Variants in WWC1 observed in about 807,000 individuals in gnomAD.
WWC1 encodes WW and C2 domain containing 1, also known as protein KIBRA.
WWC1 carries 55 observed loss-of-function variants against 138.4 expected under a neutral mutation model. That is an observed-to-expected ratio of 0.40 (90% confidence interval 0.32 to 0.50). The LOEUF (loss-of-function observed/expected upper bound fraction) is 0.50. WWC1 is among the 20% of genes least tolerant of loss of function. The pLI is 0.72. For synonymous variants in WWC1, 524 were observed against 564.9 expected, an observed-to-expected ratio of 0.93 and a Z score of 1.03; for missense variants, 1,226 against 1,420.4, an observed-to-expected ratio of 0.86 and a Z score of 2.20.
At chr5:168,316,024 T>C (rs1771554936) in intron 1 of WWC1, among the ~76,000 whole-genome samples, 1 of 152,204 alleles carries the variant, frequency 6.6e-6, no homozygotes, top group Admixed American at 6.5e-5. Flanking sequence ...GTCCCAGGGC[T>C]GACCCCAAAC....
chr5:168,334,373 C>CGA (rs1291911702), intron 1 of WWC1, among the ~76,000 whole-genome samples: 8 of 152,266 alleles, frequency 5.3e-5, no homozygotes, highest in African/African-American at 1.4e-4. Context: ...CAACAGGTCT[C>CGA]GAGAGACATT....
intron 13 of WWC1, among the ~76,000 whole-genome samples, chr5:168,429,126 G>A (rs200942331): frequency 6.6e-6 from 1 of 152,084 alleles, no homozygotes; most frequent in East Asian, 1.9e-4. Context: ...TGTGGCTTTT[G>A]TCTTTCCATC....
intron 1 of WWC1, among the ~76,000 whole-genome samples, chr5:168,355,643 C>A (rs1775349271): frequency 6.6e-6 from 1 of 152,098 alleles, no homozygotes; most frequent in South Asian, 2.1e-4. Flanking sequence ...GAGGTTACTG[C>A]ATTCTGAGTA....
At chr5:168,355,841 T>C (rs574183651) in intron 1 of WWC1, among the ~76,000 whole-genome samples, 35 of 150,288 alleles carry the variant, frequency 2.3e-4, no homozygotes, top group African/African-American at 8.3e-4. Flanking sequence ...ACTGAGAAAA[T>C]AAACAGCTGG....
chr5:168,454,059 G>A lies in WWC1; in HGVS notation c.2617G>A (p.Glu873Lys), dbSNP rs145748084. 85 of 1,613,318 alleles carry A rather than the reference G, an allele frequency of 5.3e-5. No homozygotes were observed. Among genetic ancestry groups the A allele is most frequent in the African/African-American group, 2.8e-4 (21 of 74,746 alleles). ...GGAGGGAGAAGAGGATGTTTTCACC[G>A]AGAAAGCCTCACCTGATATGGATGG... ...EEEGEEDVFT[E>K]KASPDMDGYP... The change falls in exon 18 of 23, where the codon GAG (glutamate) becomes AAG (lysine). Residue 873 changes from glutamate to lysine, a missense_variant. Glu to Lys is a moderately conservative substitution (Grantham distance 56). Transcript: ENST00000265293.
In WWC1 at chr5:168,292,051, G is replaced by A. The variant is rs1769089532; in HGVS notation, c.-102G>A. 1.5e-6 allele frequency: 2 copies of A among 1,353,198 alleles called. No individual in the cohort carries two copies. Among genetic ancestry groups the A allele is most frequent in the Admixed American group, 4.0e-5 (1 of 24,900 alleles). 83.8% of individuals were successfully genotyped at this position (1,353,198 alleles called of 1,614,324 possible). A position where few individuals can be genotyped will look rare whatever the true frequency, so the allele number is the denominator to read the frequency against. On this transcript the variant is annotated 5_prime_UTR_variant, in exon 1 of 23. It removes an upstream start codon present in the reference 5' UTR. Transcript: ENST00000265293. This position sits in a 1 kb window ranked among gnomAD's most constrained non-coding sequence, Gnocchi z 4.4. Reference sequence around the variant, plus strand: ...CTGCGGGCGCCACCCCCCGGATCATGGTGCCTCGGCGGCCGCCCGGGCTAA... The same window carrying A: ...CTGCGGGCGCCACCCCCCGGATCATAGTGCCTCGGCGGCCGCCCGGGCTAA...
chr5:168,332,331 G>T (rs947895188), intron 1 of WWC1, among the ~76,000 whole-genome samples: 10 of 151,960 alleles, frequency 6.6e-5, no homozygotes, highest in African/African-American at 1.2e-4. Flanking sequence ...TATAATAAAG[G>T]CCATATCTAA....
intron 3 of WWC1, among the ~76,000 whole-genome samples, chr5:168,390,735 T>C (rs1778420030): frequency 6.6e-6 from 1 of 152,280 alleles, no homozygotes; most frequent in Non-Finnish European, 1.5e-5. Context: ...CCTTGGCTGC[T>C]CTGGGTCCCA....
At chr5:168,458,387 G>T (rs1482294300) in intron 19 of WWC1, among the ~76,000 whole-genome samples, 1 of 152,098 alleles carries the variant, frequency 6.6e-6, no homozygotes, top group Non-Finnish European at 1.5e-5. Context: ...GGCCTCCTCG[G>T]GTCTGATCGT....
At chr5:168,359,672 G>A (rs554767045) in intron 1 of WWC1, among the ~76,000 whole-genome samples, 2 of 152,166 alleles carry the variant, frequency 1.3e-5, no homozygotes, top group Admixed American at 6.5e-5. Context: ...CATTTTTCAA[G>A]GTTAGTTTTT....
At chr5:168,414,273 C>G (rs1780426759) in intron 8 of WWC1, 75 bp from the exon 9 acceptor site, 4 of 1,553,640 alleles carry the variant, frequency 2.6e-6, no homozygotes, top group Non-Finnish European at 2.6e-6. Flanking sequence ...TCTGAGATGT[C>G]TGTTTCTTCA....
chr5:168,416,260 C>G (rs1401540964), intron 9 of WWC1: 1 of 152,246 alleles, frequency 6.6e-6, no homozygotes, highest in East Asian at 1.9e-4. Flanking sequence ...TTCCTCTCTT[C>G]CGTTCTTCAT....
chr5:168,375,596 G>A (rs1022309282), intron 2 of WWC1, among the ~76,000 whole-genome samples: 1 of 150,402 alleles, frequency 6.6e-6, no homozygotes. Flanking sequence ...TTTTTTTTTA[G>A]ACGAAGTCTC....
intron 16 of WWC1, among the ~76,000 whole-genome samples, chr5:168,442,517 G>GTAAC (rs1284009673): frequency 6.6e-6 from 1 of 151,312 alleles, no homozygotes; most frequent in Non-Finnish European, 1.5e-5. Flanking sequence ...AGAGCACTTG[G>GTAAC]TAACTGTTCC....
chr5:168,297,201 C>T (rs1446413078), intron 1 of WWC1, among the ~76,000 whole-genome samples: 2 of 152,216 alleles, frequency 1.3e-5, no homozygotes, highest in African/African-American at 4.8e-5. Context: ...CTGAGGAATG[C>T]CAGTTCCTTT....
chr5:168,399,347 C>A, intron 4 of WWC1, 141 bp from the exon 5 acceptor site: 1 of 751,170 alleles, frequency 1.3e-6, no homozygotes, highest in Non-Finnish European at 2.2e-6. Flanking sequence ...GGGGCTCTGA[C>A]CAGTGTGGCG....
At chr5:168,464,562 C>T (rs1249182630) in intron 20 of WWC1, 167 bp from the exon 21 acceptor site, 4 of 1,165,574 alleles carry the variant, frequency 3.4e-6, no homozygotes, top group Non-Finnish European at 4.7e-6. Flanking sequence ...GCCCAATAAA[C>T]ATGAGCTGAG....
chr5:168,400,427 G>A (rs1017338704), intron 5 of WWC1, among the ~76,000 whole-genome samples: 1 of 152,126 alleles, frequency 6.6e-6, no homozygotes, highest in Admixed American at 6.6e-5. Flanking sequence ...GTGAGAACAC[G>A]CAGTAGCTTC....
chr5:168,465,548 CTTTTTTTTTTTTT>C (rs10527141), intron 21 of WWC1, among the ~76,000 whole-genome samples: 8 of 46,936 alleles, frequency 1.7e-4, no homozygotes, highest in East Asian at 7.4e-4. Flanking sequence ...ATCAGCTGGG[CTTTTTTTTTTTTT>C]TTTTTTTTTT....
Sources: allele counts gnomAD v4.1 joint callset (sites outside exome capture counted in the v4.1 genomes callset), GRCh38; gene constraint gnomAD v4.1.1; non-coding constraint Gnocchi (gnomAD v3.1); transcripts MANE v1.5; gene names NCBI Gene and HGNC (gene_info 2026-07-23, HGNC 2026-07-21).